The following SUV39H2 variants were observed in gnomAD, a reference collection of about 807,000 sequenced individuals.
SUV39H2 encodes SUV39H2 histone lysine methyltransferase.
Under a neutral mutation model 47.5 loss-of-function variants are expected in SUV39H2, and 10 were observed. The ratio of observed to expected loss-of-function variants is 0.21; its 90% CI spans 0.13 to 0.36. The LOEUF is 0.36. Among genes scored for constraint, SUV39H2 ranks in the 10% least tolerant of loss-of-function variants. SUV39H2 has a pLI of 1.00. For missense variants in SUV39H2, 266 were observed against 487.4 expected, an observed-to-expected ratio of 0.55 and a Z score of 4.28; for synonymous variants, 159 against 166.8, an observed-to-expected ratio of 0.95 and a Z score of 0.36.
chr10:14,902,777 A>G lies in SUV39H2; in HGVS notation c.*265A>G, dbSNP rs2131729633. ...ACTATTTACAGCTTAGTATATGTGT[A>G]CTTAAGTCTATGTGAACAGAGAAAT... On this transcript the variant is annotated 3_prime_UTR_variant, in exon 6 of 6. Coordinates refer to ENST00000354919, the MANE Select transcript of SUV39H2 (RefSeq NM_001193424.2). The G allele has an allele frequency of 4.4e-6, 1 of 225,164 alleles. No homozygotes were observed. The highest frequency in any genetic ancestry group is 8.9e-5 in the East Asian group (1 of 11,190). The allele number at this position is 225,164 out of a possible 1,614,324, so 13.9% of individuals were successfully genotyped here.
chr10:14,883,246 C>T (rs1013602341), intron 2 of SUV39H2, among the ~76,000 whole-genome samples: 7 of 152,190 alleles, frequency 4.6e-5, no homozygotes, highest in African/African-American at 1.7e-4. Context: ...TAAACACATT[C>T]AGATCTTCCC....
intron 3 of SUV39H2, chr10:14,899,001 TG>T: frequency 1.9e-6 from 1 of 517,718 alleles, no homozygotes; most frequent in Non-Finnish European, 3.4e-6. Flanking sequence ...ATGAAAGTAA[TG>T]CAGTGTTCCA....
chr10:14,898,200 TTC>T lies in SUV39H2; in HGVS notation c.849+685_849+686del, dbSNP rs1833729393. 3 of 145,846 alleles carry T rather than the reference TTC, an allele frequency of 2.1e-5. No homozygotes were observed. In the Admixed American group the frequency reaches 2.2e-4, roughly 11 times the overall value. The allele number at this position is 145,846 out of a possible 1,614,324, so 9.0% of individuals were successfully genotyped here. A position where few individuals can be genotyped will look rare whatever the true frequency, so the allele number is the denominator to read the frequency against. On this transcript the variant is annotated intron_variant, in intron 3 of 5. Transcript: ENST00000354919. ...CCAAAACTCAGTGAGGTAGTACTGTTTCTTTTTTTTTTTTTTTTTTTTTTTTT... is the reference window on the plus strand; with the variant it reads ...CCAAAACTCAGTGAGGTAGTACTGTTTTTTTTTTTTTTTTTTTTTTTTTTT...
chr10:14,893,902 T>G (rs1428546210), intron 2 of SUV39H2, among the ~76,000 whole-genome samples: 2 of 150,874 alleles, frequency 1.3e-5, no homozygotes, highest in Non-Finnish European at 2.9e-5. Flanking sequence ...AACCATTGAC[T>G]TAAAGCCATC....
At chr10:14,892,775 G>T (rs898829523) in intron 2 of SUV39H2, among the ~76,000 whole-genome samples, 1 of 150,922 alleles carries the variant, frequency 6.6e-6, no homozygotes, top group African/African-American at 2.4e-5. Context: ...TAAAATATTT[G>T]AATGACTTTA....
chr10:14,883,704 CAAAAA>C (rs58522342), intron 2 of SUV39H2, among the ~76,000 whole-genome samples: 1,555 of 49,842 alleles, frequency 0.031, 13 homozygotes, highest in Non-Finnish European at 0.053. Flanking sequence ...GACTCAGTCT[CAAAAA>C]AAAAAAAAAA....
intron 2 of SUV39H2, among the ~76,000 whole-genome samples, chr10:14,886,916 C>G (rs1564335914): frequency 6.6e-6 from 1 of 152,126 alleles, no homozygotes; most frequent in Non-Finnish European, 1.5e-5. Flanking sequence ...CCTGAAAAGG[C>G]GAGCATTGTA....
Position 14,896,940 on chromosome 10 carries a change from A to G in SUV39H2, c.272A>G (p.Gln91Arg). The change falls in exon 3 of 6, where the codon CAG (glutamine) becomes CGG (arginine). Residue 91 changes from glutamine (Q) to arginine (R), a missense_variant. By Grantham distance (43) the Gln-to-Arg change is conservative. Transcript: ENST00000354919. ...AATCTGAAGTGCCCGTTACTGCTTC[A>G]GCAATTCTCTAATGACAAGCATAAT... ...LQNLKCPLLL[Q>R]QFSNDKHNYL... The G allele has an allele frequency of 6.2e-7, 1 of 1,614,068 alleles. No homozygotes were observed. Among genetic ancestry groups the G allele is most frequent in the East Asian group, 2.2e-5 (1 of 44,878 alleles).
At chr10:14,892,722 A>G (rs918809561) in intron 2 of SUV39H2, among the ~76,000 whole-genome samples, 20 of 152,014 alleles carry the variant, frequency 1.3e-4, no homozygotes, top group African/African-American at 4.1e-4. Flanking sequence ...ATATTTCCCT[A>G]TACCCCCTAG....
chr10:14,890,172 A>G (rs1188337256), intron 2 of SUV39H2, among the ~76,000 whole-genome samples: 1 of 152,232 alleles, frequency 6.6e-6, no homozygotes, highest in Non-Finnish European at 1.5e-5. Context: ...AATAACAGAA[A>G]TCATTATACT....
At chr10:14,899,764 C>A in intron 4 of SUV39H2, 79 bp downstream of exon 4, 1 of 1,488,956 alleles carries the variant, frequency 6.7e-7, no homozygotes, top group South Asian at 1.3e-5. Context: ...GAATAATTCC[C>A]TTTAAACTAC....
chr10:14,885,275 C>T (rs529927324), intron 2 of SUV39H2, among the ~76,000 whole-genome samples: 2 of 152,318 alleles, frequency 1.3e-5, no homozygotes, highest in East Asian at 1.9e-4. Flanking sequence ...TATTTTCCTC[C>T]TTCATACCTG....
chr10:14,888,663 G>T (rs1051499235), intron 2 of SUV39H2, among the ~76,000 whole-genome samples: 17 of 151,856 alleles, frequency 1.1e-4, no homozygotes, highest in African/African-American at 4.1e-4. Context: ...AATGGGAAGA[G>T]TAAATCATGG....
chr10:14,878,977 C>G, intron 1 of SUV39H2, 58 bp downstream of exon 1: 1 of 1,365,774 alleles, frequency 7.3e-7, no homozygotes, highest in Non-Finnish European at 9.5e-7. Flanking sequence ...TCCCAAGGCC[C>G]GGGCGGCGGG....
In SUV39H2 at chr10:14,883,495, A is replaced by G. The variant is rs372266782; in HGVS notation, c.177+1850A>G. Among the ~76,000 whole-genome samples, 73 of 151,962 alleles carry G rather than the reference A, an allele frequency of 4.8e-4. No individual in the cohort carries two copies. The South Asian group carries it at 0.015, about 30-fold the overall frequency. ...CAAGGCGGGCAGATCACTCGAGGTC[A>G]GGAGTTTGAGACCAGCCTGGCCAAC... On this transcript the variant is annotated intron_variant, in intron 2 of 5. Coordinates refer to ENST00000354919, the MANE Select transcript of SUV39H2 (RefSeq NM_001193424.2).
intron 2 of SUV39H2, among the ~76,000 whole-genome samples, chr10:14,884,422 A>G (rs1833142081): frequency 6.6e-6 from 1 of 152,210 alleles, no homozygotes; most frequent in African/African-American, 2.4e-5. Context: ...CTGACTAATG[A>G]TACTGAGCAT....
rs1165797485 is a variant in SUV39H2 at position 14,878,929 on chromosome 10, G to T, written c.31+10G>T. ...GCCGAGGCGCGAGGAGGTGAGGCTGGAGCGCGGCCCCCTCGCCTTCCCTGT... is the reference window on the plus strand; with the variant it reads ...GCCGAGGCGCGAGGAGGTGAGGCTGTAGCGCGGCCCCCTCGCCTTCCCTGT... On this transcript the variant is annotated intron_variant, in intron 1 of 5. Coordinates refer to ENST00000354919, the MANE Select transcript of SUV39H2 (RefSeq NM_001193424.2). The T allele has an allele frequency of 9.5e-6, 14 of 1,468,030 alleles. No homozygotes were observed. The highest frequency in any genetic ancestry group is 1.3e-5 in the Non-Finnish European group (14 of 1,107,234). 90.9% of individuals were successfully genotyped at this position (1,468,030 alleles called of 1,614,324 possible). A position where few individuals can be genotyped will look rare whatever the true frequency, so the allele number is the denominator to read the frequency against.
At chr10:14,899,295 G>C (rs1438662775) in intron 3 of SUV39H2, 1 of 701,140 alleles carries the variant, frequency 1.4e-6, no homozygotes, top group African/African-American at 1.8e-5. Flanking sequence ...ATTCTAGCCT[G>C]AGTGACAGAG....
chr10:14,883,427 G>A (rs1833102711), intron 2 of SUV39H2, among the ~76,000 whole-genome samples: 1 of 151,594 alleles, frequency 6.6e-6, no homozygotes, highest in African/African-American at 2.4e-5. Context: ...TTTGTAAACC[G>A]GGCACGGTGG....
Sources: gnomAD v4.1 joint callset for allele counts (sites outside exome capture counted in the v4.1 genomes callset) on GRCh38, gnomAD v4.1.1 for gene constraint, MANE v1.5 for transcripts, NCBI Gene and HGNC (gene_info 2026-07-23, HGNC 2026-07-21) for gene names.